The following PAICS variants were observed in gnomAD, a reference collection of about 807,000 sequenced individuals.
PAICS encodes the protein bifunctional phosphoribosylaminoimidazole carboxylase/phosphoribosylaminoimidazole succinocarboxamide synthetase.
PAICS carries 33 observed loss-of-function variants against 53.7 expected under a neutral mutation model. The ratio of observed to expected loss-of-function variants is 0.61; its 90% CI spans 0.47 to 0.82. The LOEUF (loss-of-function observed/expected upper bound fraction) is 0.82. Among genes scored for constraint, PAICS ranks in the 40% least tolerant of loss-of-function variants. PAICS has a pLI of 0.00. For missense variants in PAICS, 394 were observed against 494.1 expected, an observed-to-expected ratio of 0.80 and a Z score of 1.92; for synonymous variants, 141 against 167.2, an observed-to-expected ratio of 0.84 and a Z score of 1.21.
At position 56,453,665 on chromosome 4, in the gene PAICS, A is replaced by G. The variant is rs1347500604; in HGVS notation, c.1015A>G (p.Met339Val). ...AGRSNGLGPV[M>V]SGNTAYPVIS... ...CAGAAGTAATGGTTTGGGACCAGTGATGTCTGGGAACACTGCATATCCAGT... is the reference window on the plus strand; with the variant it reads ...CAGAAGTAATGGTTTGGGACCAGTGGTGTCTGGGAACACTGCATATCCAGT... Residue 339 changes from methionine to valine, a missense_variant, in exon 8 of 9, where the codon ATG becomes GTG. Physicochemically the swap from Met to Val is conservative, Grantham distance 21. Coordinates refer to ENST00000512576, the MANE Select transcript of PAICS (RefSeq NM_001079524.2). 14 of 1,572,728 alleles carry G rather than the reference A, an allele frequency of 8.9e-6. No individual in the cohort carries two copies. The African/African-American group carries it at 1.9e-4, about 21-fold the overall frequency.
chr4:56,435,253 C>G (rs1717837925), upstream of PAICS: 1 of 1,557,510 alleles, frequency 6.4e-7, no homozygotes, highest in Non-Finnish European at 8.7e-7. Context: ...GAGGTCGGTC[C>G]TCCCGGGCCC....
the PAICS span, among the ~76,000 whole-genome samples, chr4:56,426,221 T>C: frequency 6.6e-6 from 1 of 152,016 alleles, no homozygotes; most frequent in Admixed American, 6.6e-5. Context: ...GCCAACATGG[T>C]GAAACCCCAT....
chr4:56,434,754 C>G (rs148294378), upstream of PAICS, among the ~76,000 whole-genome samples: 5 of 152,280 alleles, frequency 3.3e-5, no homozygotes, highest in East Asian at 9.7e-4. Flanking sequence ...TATGTGAGAT[C>G]TACTACCAGT....
upstream of PAICS, among the ~76,000 whole-genome samples, chr4:56,434,105 CAAG>C (rs1180816696): frequency 3.3e-5 from 5 of 152,018 alleles, no homozygotes; most frequent in Non-Finnish European, 5.9e-5. Flanking sequence ...TTAAAAAAAA[CAAG>C]AAATCTATTA....
the PAICS span, among the ~76,000 whole-genome samples, chr4:56,417,220 T>C: frequency 6.6e-6 from 1 of 151,936 alleles, no homozygotes; most frequent in Non-Finnish European, 1.5e-5. Flanking sequence ...AACTTATTTG[T>C]AACCCAAATA....
intron 6 of PAICS, among the ~76,000 whole-genome samples, chr4:56,451,352 TTTAAATATTCCTTTAAG>T (rs1718909145): frequency 6.6e-6 from 1 of 152,188 alleles, no homozygotes; most frequent in African/African-American, 2.4e-5. Context: ...TCTGTGTGAC[TTTAAATATTCCTTTAAG>T]TTTTATGGTA....
chr4:56,435,704 C>A (rs1717880578), upstream of PAICS: 2 of 1,461,116 alleles, frequency 1.4e-6, no homozygotes, highest in Non-Finnish European at 1.8e-6. Context: ...GGCGGAGGGG[C>A]GGTCCCGCGG....
chr4:56,432,278 A>C (rs1717625313), upstream of PAICS, among the ~76,000 whole-genome samples: 1 of 152,152 alleles, frequency 6.6e-6, no homozygotes, highest in African/African-American at 2.4e-5. Context: ...CTGTAATCTC[A>C]GCACTTTGGG....
the PAICS span, among the ~76,000 whole-genome samples, chr4:56,413,054 TC>T: frequency 1.3e-5 from 2 of 152,230 alleles, no homozygotes; most frequent in African/African-American, 4.8e-5. Context: ...ATACCTTTTG[TC>T]CATTTTTAGT....
In PAICS at chr4:56,453,770, C is replaced by T; in HGVS notation, c.1111+9C>T. ...TCTTCGACTACCCAGTGGTAAGATA[C>T]ATTGAATTTTTAAAAACTGTTCATT... On this transcript the variant is annotated intron_variant, in intron 8 of 8. Transcript: ENST00000512576. The T allele has an allele frequency of 6.6e-7, 1 of 1,526,394 alleles. No homozygotes were observed. The highest frequency in any genetic ancestry group is 8.9e-7 in the Non-Finnish European group (1 of 1,126,332). 94.6% of individuals were successfully genotyped at this position (1,526,394 alleles called of 1,614,324 possible). A position where few individuals can be genotyped will look rare whatever the true frequency, so the allele number is the denominator to read the frequency against.
chr4:56,453,982 A>G (rs1226886944), intron 8 of PAICS, among the ~76,000 whole-genome samples: 4 of 152,194 alleles, frequency 2.6e-5, no homozygotes, highest in Non-Finnish European at 5.9e-5. Flanking sequence ...TACAGGCTCT[A>G]GTTTTTAAAT....
At chr4:56,439,537 C>T (rs1452383919) in intron 1 of PAICS, among the ~76,000 whole-genome samples, 1 of 151,854 alleles carries the variant, frequency 6.6e-6, no homozygotes, top group African/African-American at 2.4e-5. Context: ...GTTCCCGGCC[C>T]ACTGTTCTTT....
the PAICS span, chr4:56,420,743 T>C: frequency 1.7e-4 from 26 of 152,170 alleles, no homozygotes; most frequent in Admixed American, 6.5e-5. Context: ...TAGAAAAATA[T>C]AAAATACATG....
chr4:56,444,907 C>G (rs141270803), intron 2 of PAICS, among the ~76,000 whole-genome samples: 39 of 152,240 alleles, frequency 2.6e-4, no homozygotes, highest in African/African-American at 9.1e-4. Context: ...TAATGATTAA[C>G]AGATCTAAGA....
rs149862445 is a variant in PAICS at position 56,452,708 on chromosome 4, G to A, written c.952+656G>A. Among the ~76,000 whole-genome samples, 327 of 152,234 alleles carry A rather than the reference G, an allele frequency of 2.1e-3. 1 individual carries two copies. Among genetic ancestry groups the A allele is most frequent in the African/African-American group, 7.4e-3 (306 of 41,516 alleles). On this transcript the variant is annotated intron_variant, in intron 7 of 8. Coordinates refer to ENST00000512576, the MANE Select transcript of PAICS (RefSeq NM_001079524.2). ...CAGGAGGCGGGAGGTTAAAATAGCC[G>A]GTTCTCCCGGGAATCTTTAGTTGCC... is the stretch of plus-strand genomic sequence containing the variant.
chr4:56,419,635 A>C, the PAICS span: 1 of 979,502 alleles, frequency 1.0e-6, no homozygotes, highest in Middle Eastern at 5.2e-4. Context: ...TCAGTATTGG[A>C]ACCCTCTAAT....
At chr4:56,417,835 G>GTTTTTTTTTTTTT in the PAICS span, among the ~76,000 whole-genome samples, 6 of 102,508 alleles carry the variant, frequency 5.9e-5, no homozygotes, top group African/African-American at 2.1e-4. Context: ...TGAAGATTTG[G>GTTTTTTTTTTTTT]TTTTTTGTTT....
the PAICS span, among the ~76,000 whole-genome samples, chr4:56,427,142 G>C: frequency 6.6e-6 from 1 of 152,100 alleles, no homozygotes; most frequent in Non-Finnish European, 1.5e-5. Flanking sequence ...TGGTTATCTG[G>C]GTTGTTTCTG....
chr4:56,432,775 G>A (rs1407239008), upstream of PAICS, among the ~76,000 whole-genome samples: 7 of 132,946 alleles, frequency 5.3e-5, no homozygotes, highest in Non-Finnish European at 6.4e-5. Context: ...GGGAGACAGC[G>A]AGACTCTGTC....
Sources: allele counts gnomAD v4.1 joint callset (sites outside exome capture counted in the v4.1 genomes callset), GRCh38; gene constraint gnomAD v4.1.1; transcripts MANE v1.5; gene names NCBI Gene and HGNC (gene_info 2026-07-23, HGNC 2026-07-21).